Variants in GPR158 observed in about 807,000 individuals in gnomAD.
The protein encoded by GPR158 is G protein-coupled receptor 158.
Under a neutral mutation model 78.2 loss-of-function variants are expected in GPR158, and 30 were observed. That is an observed-to-expected ratio of 0.38 (90% CI 0.29 to 0.52). The LOEUF (loss-of-function observed/expected upper bound fraction) is 0.52, where lower values mean the gene tolerates loss of function less well. Ranked by LOEUF, GPR158 falls within the 20% of genes least tolerant of loss-of-function variation. GPR158 has a pLI of 0.83. For missense variants in GPR158, 1,463 were observed against 1,523.5 expected (o/e 0.96, Z 0.66); for synonymous variants, 581 against 591.1 (o/e 0.98, Z 0.25).
intron 5 of GPR158, among the ~76,000 whole-genome samples, chr10:25,501,091 G>A (rs1216350242): frequency 3.3e-5 from 5 of 152,178 alleles, no homozygotes; most frequent in Non-Finnish European, 7.3e-5. Context: ...GAGGCACAGG[G>A]AAGATCAGGG....
intron 5 of GPR158, among the ~76,000 whole-genome samples, chr10:25,547,949 T>C (rs1836684405): frequency 6.6e-6 from 1 of 152,180 alleles, no homozygotes; most frequent in Non-Finnish European, 1.5e-5. Context: ...TAACATTCAC[T>C]CTATGAAAGT....
At chr10:25,391,998 C>G (rs756624259) in intron 2 of GPR158, among the ~76,000 whole-genome samples, 1 of 152,094 alleles carries the variant, frequency 6.6e-6, no homozygotes, top group Non-Finnish European at 1.5e-5. Context: ...AAGGGCAGTT[C>G]TCCTGCACAC....
chr10:25,521,018 C>T (rs370528964), intron 5 of GPR158, among the ~76,000 whole-genome samples: 10 of 151,832 alleles, frequency 6.6e-5, no homozygotes, highest in African/African-American at 1.2e-4. Context: ...ATCAGCGAGA[C>T]TCTGTGGGCG....
At chr10:25,589,915 A>G (rs1243417584) in intron 8 of GPR158, among the ~76,000 whole-genome samples, 1 of 152,262 alleles carries the variant, frequency 6.6e-6, no homozygotes, top group African/African-American at 2.4e-5. Flanking sequence ...AAAAGATGTC[A>G]TTCAATTGCT....
chr10:25,535,254 C>T (rs917801165), intron 5 of GPR158, among the ~76,000 whole-genome samples: 50 of 152,210 alleles, frequency 3.3e-4, no homozygotes, highest in African/African-American at 1.2e-3. Flanking sequence ...TAATTAGTTT[C>T]TAATCAATCA....
chr10:25,360,023 AT>A (rs1564432360), intron 2 of GPR158, among the ~76,000 whole-genome samples: 1 of 151,792 alleles, frequency 6.6e-6, no homozygotes, highest in Non-Finnish European at 1.5e-5. Context: ...CAATGAGGAG[AT>A]TTTTTTCATG....
chr10:25,256,332 C>T (rs1853887616), intron 2 of GPR158, among the ~76,000 whole-genome samples: 1 of 152,164 alleles, frequency 6.6e-6, no homozygotes, highest in South Asian at 2.1e-4. Context: ...ATCATGCATT[C>T]CACATGGTAG....
chr10:25,242,574 G>T (rs1257071700), intron 2 of GPR158, among the ~76,000 whole-genome samples: 3 of 152,102 alleles, frequency 2.0e-5, no homozygotes, highest in African/African-American at 7.2e-5. Context: ...AAGCTTTGTG[G>T]GTGACTTTTG....
chr10:25,441,038 G>A (rs1430922665), intron 4 of GPR158, among the ~76,000 whole-genome samples: 1 of 152,182 alleles, frequency 6.6e-6, no homozygotes, highest in African/African-American at 2.4e-5. Flanking sequence ...TAGCAGAGAA[G>A]TTTAAAACAT....
intron 1 of GPR158, among the ~76,000 whole-genome samples, chr10:25,209,703 G>A (rs1244605442): frequency 2.6e-5 from 4 of 152,004 alleles, no homozygotes; most frequent in Non-Finnish European, 5.9e-5. Flanking sequence ...TCTTGACCCC[G>A]GCTTTGTTTA....
At chr10:25,384,107 A>G (rs1834190792) in intron 2 of GPR158, among the ~76,000 whole-genome samples, 1 of 152,232 alleles carries the variant, frequency 6.6e-6, no homozygotes, top group African/African-American at 2.4e-5. Flanking sequence ...ATTATCTCAT[A>G]TACCCTGCAT....
chr10:25,306,830 A>G (rs1359306731), intron 2 of GPR158, among the ~76,000 whole-genome samples: 5 of 152,066 alleles, frequency 3.3e-5, no homozygotes, highest in African/African-American at 1.2e-4. Context: ...TTCATTTTTC[A>G]CCTGGTCTAA....
intron 2 of GPR158, among the ~76,000 whole-genome samples, chr10:25,370,145 G>GT (rs1241134636): frequency 1.3e-5 from 1 of 79,118 alleles, no homozygotes; most frequent in Non-Finnish European, 3.5e-5. Context: ...TTTTTTGAAG[G>GT]GTTTTTTGTG....
chr10:25,585,660 G>A (rs1394786164), intron 7 of GPR158, among the ~76,000 whole-genome samples: 1 of 152,190 alleles, frequency 6.6e-6, no homozygotes, highest in Non-Finnish European at 1.5e-5. Flanking sequence ...GTGTGAGCAA[G>A]ACCAATAGCT....
intron 2 of GPR158, among the ~76,000 whole-genome samples, chr10:25,266,801 A>G (rs1326683423): frequency 6.6e-6 from 1 of 152,164 alleles, no homozygotes; most frequent in African/African-American, 2.4e-5. Context: ...TTTTATGATG[A>G]GTGTTAGAAT....
chr10:25,294,171 ATGAG>A (rs1387159694), intron 2 of GPR158, among the ~76,000 whole-genome samples: 1 of 152,226 alleles, frequency 6.6e-6, no homozygotes, highest in Non-Finnish European at 1.5e-5. Flanking sequence ...CTAATAAAAG[ATGAG>A]TGAGATTCCA....
intron 1 of GPR158, among the ~76,000 whole-genome samples, chr10:25,219,354 G>T (rs1327400628): frequency 6.6e-6 from 1 of 152,174 alleles, no homozygotes; most frequent in South Asian, 2.1e-4. Flanking sequence ...ATAAAAATTT[G>T]TTGAAAGAGG....
intron 1 of GPR158, among the ~76,000 whole-genome samples, chr10:25,189,123 G>T (rs1317184053): frequency 6.6e-6 from 1 of 152,166 alleles, no homozygotes; most frequent in Non-Finnish European, 1.5e-5. Context: ...TCATTCAAAA[G>T]TCAGGAAATA....
chr10:25,559,248 G>A (rs1412232866), intron 6 of GPR158, among the ~76,000 whole-genome samples: 26 of 152,068 alleles, frequency 1.7e-4, no homozygotes. Flanking sequence ...ATTTTGTCTG[G>A]TGCTAATATA....
Sources: gnomAD v4.1 joint callset for allele counts (sites outside exome capture counted in the v4.1 genomes callset) on GRCh38, gnomAD v4.1.1 for gene constraint, MANE v1.5 for transcripts, NCBI Gene and HGNC (gene_info 2026-07-23, HGNC 2026-07-21) for gene names.